RNF24: variants seen among roughly 807,000 people sequenced by gnomAD.
The protein encoded by RNF24 is ring finger protein 24.
A neutral mutation model predicts 20.0 loss-of-function variants in RNF24; 14 were observed. The ratio of observed to expected loss-of-function variants is 0.70; its 90% CI spans 0.46 to 1.10. The LOEUF (loss-of-function observed/expected upper bound fraction) is 1.10, where lower values mean the gene tolerates loss of function less well. Ranked by LOEUF, RNF24 falls within the 50% of genes least tolerant of loss-of-function variation. The pLI is 0.00. For synonymous variants in RNF24, 45 were observed against 61.1 expected (o/e 0.74, Z 1.23); for missense variants, 124 against 177.6 (o/e 0.70, Z 1.71).
intron 4 of RNF24, among the ~76,000 whole-genome samples, chr20:3,941,569 A>G (rs978534432): frequency 6.6e-6 from 1 of 152,214 alleles, no homozygotes; most frequent in Non-Finnish European, 1.5e-5. Context: ...AAGGCAAGAA[A>G]AGGAAAATAG....
At chr20:3,985,529 C>T (rs1287064979) in intron 1 of RNF24, among the ~76,000 whole-genome samples, 1 of 152,048 alleles carries the variant, frequency 6.6e-6, no homozygotes, top group Non-Finnish European at 1.5e-5. Context: ...ATTGTTTTCT[C>T]TGGGTTTGTG....
intron 4 of RNF24, among the ~76,000 whole-genome samples, chr20:3,939,934 T>C (rs2090935208): frequency 6.6e-6 from 1 of 152,160 alleles, no homozygotes; most frequent in South Asian, 2.1e-4. Flanking sequence ...CTAGGTATCT[T>C]ATTTTTGATG....
intron 3 of RNF24, among the ~76,000 whole-genome samples, chr20:3,946,765 C>T (rs2091023311): frequency 6.6e-6 from 1 of 150,746 alleles, no homozygotes; most frequent in South Asian, 2.1e-4. Context: ...AACTAAAATA[C>T]TCAACTCTGA....
chr20:3,984,868 G>A (rs986953513), intron 1 of RNF24, among the ~76,000 whole-genome samples: 1 of 151,704 alleles, frequency 6.6e-6, no homozygotes, highest in East Asian at 1.9e-4. Context: ...CTGACAAGTA[G>A]GTATTTGGGT....
rs185308843 is a variant in RNF24 at position 3,944,927 on chromosome 20, C to T, written c.228+250G>A. 9.0e-4 allele frequency among the ~76,000 whole-genome samples: 137 copies of T among 152,278 alleles called. 1 individual carries two copies. The highest frequency in any genetic ancestry group is 3.2e-3 in the African/African-American group (132 of 41,556). ...CTGTTTCCTATTCATACAGCATGGA[C>T]GGCAAGCAGCATCCCTACTGCTATG... On this transcript the variant is annotated intron_variant, in intron 4 of 5. Transcript: ENST00000358395.
At chr20:3,949,304 C>T (rs1032464272) in intron 2 of RNF24, among the ~76,000 whole-genome samples, 6 of 152,064 alleles carry the variant, frequency 3.9e-5, no homozygotes, top group Non-Finnish European at 7.4e-5. Flanking sequence ...CACTTGAACC[C>T]AGGAGGCGGA....
At chr20:3,984,052 A>G (rs188728703) in intron 1 of RNF24, among the ~76,000 whole-genome samples, 28 of 150,594 alleles carry the variant, frequency 1.9e-4, no homozygotes, top group African/African-American at 4.2e-4. Flanking sequence ...TGAGCCTGGG[A>G]GTTTGAAACC....
chr20:3,971,940 G>A (rs1978386980), intron 1 of RNF24, among the ~76,000 whole-genome samples: 1 of 152,102 alleles, frequency 6.6e-6, no homozygotes, highest in South Asian at 2.1e-4. Context: ...ATACATGCAT[G>A]TTGAAAAGGA....
chr20:3,953,184 A>G (rs562979282), intron 2 of RNF24, among the ~76,000 whole-genome samples: 14 of 152,074 alleles, frequency 9.2e-5, no homozygotes, highest in African/African-American at 3.1e-4. Context: ...ACGGAGTCTC[A>G]CTCTGTCACC....
chr20:3,974,073 A>C (rs964355919), intron 1 of RNF24, among the ~76,000 whole-genome samples: 6 of 152,108 alleles, frequency 3.9e-5, no homozygotes, highest in Admixed American at 3.9e-4. Context: ...TAAAAAAAAA[A>C]AAAATCAATG....
At chr20:3,986,802 C>A (rs756999968) in intron 1 of RNF24, among the ~76,000 whole-genome samples, 1 of 152,050 alleles carries the variant, frequency 6.6e-6, no homozygotes, top group Non-Finnish European at 1.5e-5. Flanking sequence ...GCACGTGCCA[C>A]CATGCCCAGC....
Position 3,997,229 on chromosome 20 carries a change from CAAA to C in RNF24, c.-8+18205_-8+18207del, listed in dbSNP as rs1227396478. Among the ~76,000 whole-genome samples, 6 of 51,228 alleles carry C rather than the reference CAAA, an allele frequency of 1.2e-4. 1 individual carries two copies. The highest frequency in any genetic ancestry group is 1.6e-4 in the African/African-American group (2 of 12,688). The allele number at this position is 51,228 out of a possible 152,430, so 33.6% of individuals were successfully genotyped here. A position where few individuals can be genotyped will look rare whatever the true frequency, so the allele number is the denominator to read the frequency against. Reference sequence around the variant, plus strand: ...CAACCGACAGAGCAAGACTCCATCTCAAAAAAAAAAAAAAAAAAAAAAGAAATA... The same window carrying C: ...CAACCGACAGAGCAAGACTCCATCTCAAAAAAAAAAAAAAAAAAAGAAATA... On this transcript the variant is annotated intron_variant, in intron 1 of 5. Transcript: ENST00000358395.
At chr20:3,942,941 G>A (rs369815242) in intron 4 of RNF24, among the ~76,000 whole-genome samples, 6 of 151,530 alleles carry the variant, frequency 4.0e-5, no homozygotes, top group Non-Finnish European at 8.8e-5. Flanking sequence ...TTAGCCTTCC[G>A]AGTAGCTGGG....
rs1284402596 is a variant in RNF24 at position 3,935,017 on chromosome 20, T to C, written c.285A>G (p.Pro95=). 3.1e-6 allele frequency: 5 copies of C among 1,614,038 alleles called. No homozygotes were observed. Among genetic ancestry groups the C allele is most frequent in the East Asian group, 2.2e-5 (1 of 44,882 alleles). Residue 95 remains proline (P), a synonymous_variant, in exon 5 of 6, where the codon CCA becomes CCG. Transcript: ENST00000358395. ...ACTTTCTGTGGAAGGCGTGCTTACA[T>C]GGGCAAATCCCCAACTCATCTCGAG... ...FKPRDELGIC[P]CKHAFHRKCL...
In RNF24 at chr20:3,955,217, AAATTTT is replaced by A. The variant is rs1164695087; in HGVS notation, c.144-6944_144-6939del. 7.2e-5 allele frequency among the ~76,000 whole-genome samples: 11 copies of A among 152,266 alleles called. No individual in the cohort carries two copies. In the East Asian group the frequency reaches 2.1e-3, roughly 29 times the overall value. On this transcript the variant is annotated intron_variant, in intron 2 of 5. Transcript: ENST00000358395. ...TAAATTGGGTTGTCTTTTTGCTGTT[AAATTTT>A]AAGAGCTTTTAATATATTCTGGGTA...
rs950389332 is a variant in RNF24, at chr20:3,975,645, T to A, written c.-7-11621A>T. Among the ~76,000 whole-genome samples, 40 of 152,196 alleles carry A rather than the reference T, an allele frequency of 2.6e-4. 1 individual carries two copies. On this transcript the variant is annotated intron_variant, in intron 1 of 5. Coordinates refer to ENST00000358395, the MANE Select transcript of RNF24 (RefSeq NM_001134337.3). ...ATGTGACTTTATTTGAAAATAGGTT[T>A]GTTGAAGATGTAATTAATTCAGATG...
intron 1 of RNF24, among the ~76,000 whole-genome samples, chr20:3,976,526 C>T (rs1304014068): frequency 1.3e-5 from 2 of 152,148 alleles, no homozygotes; most frequent in Non-Finnish European, 2.9e-5. Flanking sequence ...CACTCCTGGG[C>T]ATTTATTCCA....
chr20:4,001,558 T>C (rs1981389559), intron 1 of RNF24, among the ~76,000 whole-genome samples: 1 of 152,122 alleles, frequency 6.6e-6, no homozygotes, highest in African/African-American at 2.4e-5. Context: ...GATGAAATAA[T>C]TGAAATATTA....
At chr20:3,959,323 C>A (rs1384694098) in intron 2 of RNF24, among the ~76,000 whole-genome samples, 1 of 152,172 alleles carries the variant, frequency 6.6e-6, no homozygotes, top group Non-Finnish European at 1.5e-5. Context: ...TCCTTAATGT[C>A]CAGTCATTAA....
Sources: allele counts gnomAD v4.1 joint callset (sites outside exome capture counted in the v4.1 genomes callset), GRCh38; gene constraint gnomAD v4.1.1; transcripts MANE v1.5; gene names NCBI Gene and HGNC (gene_info 2026-07-23, HGNC 2026-07-21).